Variants in RAB11FIP5 observed in about 807,000 individuals in gnomAD.
The protein encoded by RAB11FIP5 is RAB11 family interacting protein 5.
RAB11FIP5 carries 48 observed loss-of-function variants against 85.1 expected under a neutral mutation model. The ratio of observed to expected loss-of-function variants is 0.56; its 90% CI spans 0.45 to 0.72. The LOEUF (loss-of-function observed/expected upper bound fraction) is 0.72. Ranked by LOEUF, RAB11FIP5 falls within the 30% of genes least tolerant of loss-of-function variation. RAB11FIP5 has a pLI of 0.00. For missense variants in RAB11FIP5, 1,491 were observed against 1,687.0 expected (o/e 0.88, Z 2.04); for synonymous variants, 729 against 727.3 (o/e 1.00, Z -0.04).
intron 1 of RAB11FIP5, among the ~76,000 whole-genome samples, chr2:73,108,330 A>G (rs1684570198): frequency 6.6e-6 from 1 of 152,210 alleles, no homozygotes; most frequent in Non-Finnish European, 1.5e-5. Flanking sequence ...GCCCAGGATG[A>G]CGATCCTGTC....
At position 73,075,934 on chromosome 2, in the gene RAB11FIP5, A is replaced by G; in HGVS notation, c.3771+59T>C. On this transcript the variant is annotated intron_variant, in intron 5 of 5. Coordinates refer to ENST00000486777, the MANE Select transcript of RAB11FIP5 (RefSeq NM_001371272.1). The surrounding 1 kb of genome is among the most constrained non-coding windows in gnomAD (Gnocchi z 4.6). ...CCCTGCCCCACCCTCACCAGGACCAAGCCCTGAGACTCCACCACACATTCT... is the reference window on the plus strand; with the variant it reads ...CCCTGCCCCACCCTCACCAGGACCAGGCCCTGAGACTCCACCACACATTCT... 1.9e-6 allele frequency: 3 copies of G among 1,560,982 alleles called. No individual in the cohort carries two copies. The highest frequency in any genetic ancestry group is 1.7e-5 in the Admixed American group (1 of 57,356).
At position 73,081,039 on chromosome 2, in the gene RAB11FIP5, G is replaced by C. The variant is rs769016971; in HGVS notation, c.2193C>G (p.Asn731Lys). ...EPRVPLDLGP[N>K]HQSASAADPG... ...GGTCAGCCGCGCTCGCGCTCTGGTG[G>C]TTCGGTCCCAAGTCCAGAGGAACCC... The change falls in exon 4 of 6, where the codon AAC becomes AAG. Residue 731 changes from asparagine (N) to lysine (K), a missense_variant. By Grantham distance (94) the Asn-to-Lys change is moderately conservative. Coordinates refer to ENST00000486777, the MANE Select transcript of RAB11FIP5 (RefSeq NM_001371272.1). This position sits in a 1 kb window ranked among gnomAD's most constrained non-coding sequence, Gnocchi z 4.2. 2.4e-6 allele frequency: 3 copies of C among 1,232,524 alleles called. No individual in the cohort carries two copies. The highest frequency in any genetic ancestry group is 3.0e-6 in the Non-Finnish European group (3 of 988,340). The allele number at this position is 1,232,524 out of a possible 1,614,324, so 76.3% of individuals were successfully genotyped here. A position where few individuals can be genotyped will look rare whatever the true frequency, so the allele number is the denominator to read the frequency against.
intron 1 of RAB11FIP5, among the ~76,000 whole-genome samples, chr2:73,093,604 C>T (rs1574300081): frequency 6.6e-6 from 1 of 152,368 alleles, no homozygotes; most frequent in East Asian, 1.9e-4. Context: ...GGGTCCCCCA[C>T]TGACCAGGTC....
chr2:73,087,875 G>A (rs7599366), intron 3 of RAB11FIP5, among the ~76,000 whole-genome samples, 175 bp downstream of exon 3: 4,964 of 152,178 alleles, frequency 0.033, 117 homozygotes, highest in Middle Eastern at 0.051. Context: ...ACCTGTGTCC[G>A]TGAGCACAGA....
At chr2:73,097,140 C>A (rs1394389850) in intron 1 of RAB11FIP5, among the ~76,000 whole-genome samples, 3 of 152,162 alleles carry the variant, frequency 2.0e-5, no homozygotes, top group African/African-American at 7.2e-5. Flanking sequence ...CAGGTCCAAG[C>A]GATTCTCCTG....
At chr2:73,077,170 A>G (rs12104691) in intron 4 of RAB11FIP5, among the ~76,000 whole-genome samples, 48,606 of 152,016 alleles carry the variant, frequency 0.32, 9,247 homozygotes, top group East Asian at 0.55. Context: ...TCAGGTGCAG[A>G]CTGGCTTGCT....
chr2:73,089,315 C>A lies in RAB11FIP5; in HGVS notation c.432G>T (p.Gln144His). 1 of 1,613,128 alleles carries A rather than the reference C, an allele frequency of 6.2e-7. No homozygotes were observed. Among genetic ancestry groups the A allele is most frequent in the Admixed American group, 1.7e-5 (1 of 60,020 alleles). Residue 144 changes from glutamine to histidine, a missense_variant and splice_region_variant, in exon 2 of 6, where the codon CAG (glutamine) becomes CAT (histidine). Transcript: ENST00000486777. This position sits in a 1 kb window ranked among gnomAD's most constrained non-coding sequence, Gnocchi z 4.6. ...VFGAGRAQHT[Q>H]WYKLHSKPGK... ...CTGGCTTGGAGTGCAGCTTGTACCACCTGTGAGAAGAGGGGAGCAGGCAGA... is the reference window on the plus strand; with the variant it reads ...CTGGCTTGGAGTGCAGCTTGTACCAACTGTGAGAAGAGGGGAGCAGGCAGA...
At chr2:73,076,229 C>T (rs370487125) in intron 4 of RAB11FIP5, 47 bp from the exon 5 acceptor site, 81 of 1,508,190 alleles carry the variant, frequency 5.4e-5, no homozygotes, top group Middle Eastern at 3.4e-4. Flanking sequence ...AAGGGTGGCA[C>T]GGGTCAAAGG....
chr2:73,109,088 T>C (rs951470680), intron 1 of RAB11FIP5, among the ~76,000 whole-genome samples: 2 of 151,170 alleles, frequency 1.3e-5, no homozygotes, highest in Admixed American at 1.3e-4. Flanking sequence ...AACCAGAAAA[T>C]AAATCGCAGA....
At chr2:73,105,156 C>A (rs939577400) in intron 1 of RAB11FIP5, among the ~76,000 whole-genome samples, 2 of 152,162 alleles carry the variant, frequency 1.3e-5, no homozygotes, top group African/African-American at 4.8e-5. Context: ...GCCCCCAAGC[C>A]CTGCTTGAAA....
rs1683897685 is a variant in RAB11FIP5 at position 73,078,075 on chromosome 2, CA to C, written c.3581+1575del. Among the ~76,000 whole-genome samples the C allele has an allele frequency of 6.6e-6, 1 of 152,238 alleles. No homozygotes were observed. Among genetic ancestry groups the C allele is most frequent in the Non-Finnish European group, 1.5e-5 (1 of 68,054 alleles). On this transcript the variant is annotated intron_variant, in intron 4 of 5. Coordinates refer to ENST00000486777, the MANE Select transcript of RAB11FIP5 (RefSeq NM_001371272.1). The surrounding 1 kb of genome is among the most constrained non-coding windows in gnomAD (Gnocchi z 4.4). Reference sequence around the variant, plus strand: ...AGAATGCATCTCAGTCCTTTCCTGACACCTAGGAGCCTGTGCTAGGGATGGG... The same window carrying C: ...AGAATGCATCTCAGTCCTTTCCTGACCCTAGGAGCCTGTGCTAGGGATGGG...
At chr2:73,104,758 C>A (rs1350047181) in intron 1 of RAB11FIP5, among the ~76,000 whole-genome samples, 1 of 152,174 alleles carries the variant, frequency 6.6e-6, no homozygotes, top group East Asian at 1.9e-4. Context: ...TTATTCAAGG[C>A]CTCACCTCTC....
chr2:73,078,966 C>G lies in RAB11FIP5; in HGVS notation c.3581+685G>C, dbSNP rs1051630353. On this transcript the variant is annotated intron_variant, in intron 4 of 5. Transcript: ENST00000486777. The surrounding 1 kb of genome is among the most constrained non-coding windows in gnomAD (Gnocchi z 4.4). ...ACACAGGCATCCGCTGTCCACTCAG[C>G]GGTCCTAAGTGCATCAGAACCACCC... 6.6e-6 allele frequency among the ~76,000 whole-genome samples: 1 copy of G among 152,230 alleles called. No individual in the cohort carries two copies. Among genetic ancestry groups the G allele is most frequent in the Admixed American group, 6.5e-5 (1 of 15,290 alleles).
At position 73,075,630 on chromosome 2, in the gene RAB11FIP5, T is replaced by C; in HGVS notation, c.3866A>G (p.Gln1289Arg). The C allele has an allele frequency of 6.2e-7, 1 of 1,614,026 alleles. No individual in the cohort carries two copies. Among genetic ancestry groups the C allele is most frequent in the Non-Finnish European group, 8.5e-7 (1 of 1,179,960 alleles). Residue 1289 changes from glutamine to arginine, a missense_variant, in exon 6 of 6, where the codon CAG (glutamine) becomes CGG (arginine). Around this residue, in one of 3 missense-constraint regions of RAB11FIP5, gnomAD observed 232 missense variants for 259.1 expected, o/e 0.90. Coordinates refer to ENST00000486777, the MANE Select transcript of RAB11FIP5 (RefSeq NM_001371272.1). The surrounding 1 kb of genome is among the most constrained non-coding windows in gnomAD (Gnocchi z 4.6). ...LLLQRERELS[Q>R]RDEHVQELES... is the part of the protein sequence containing the mutation. ...CAGCTCCTGCACATGCTCGTCCCGC[T>C]GGCTCAGCTCCCGCTCCCGCTGCAG... is the stretch of plus-strand genomic sequence containing the variant.
Position 73,088,444 on chromosome 2 carries a change from G to T in RAB11FIP5, c.1174C>A (p.Arg392Ser). 1 of 1,613,876 alleles carries T rather than the reference G, an allele frequency of 6.2e-7. No individual in the cohort carries two copies. The highest frequency in any genetic ancestry group is 8.5e-7 in the Non-Finnish European group (1 of 1,180,036). ...ACTGCCTCTGAGCTGCTGTTGCTAC[G>T]ACTGCCTCTGGGCCAGGTGTCATCT... ...STDDTWPRGS[R>S]SNSSSEAVLG... The change falls in exon 3 of 6, where the codon CGT becomes AGT. Residue 392 changes from arginine (R) to serine (S), a missense_variant. This residue lies in a region of RAB11FIP5 where 1,211 missense variants were observed against 1,338.0 expected (regional missense o/e 0.91). Coordinates refer to ENST00000486777, the MANE Select transcript of RAB11FIP5 (RefSeq NM_001371272.1).
chr2:73,100,827 C>T (rs1398593017), intron 1 of RAB11FIP5, among the ~76,000 whole-genome samples: 19 of 148,240 alleles, frequency 1.3e-4, no homozygotes, highest in East Asian at 4.1e-4. Flanking sequence ...TGTTTTGAGA[C>T]GGAGTCTCGT....
In RAB11FIP5 at chr2:73,112,539, C is replaced by G. The variant is rs1684689012; in HGVS notation, c.239G>C (p.Gly80Ala). Residue 80 changes from glycine to alanine, a missense_variant, in exon 1 of 6, where the codon GGG becomes GCG. Transcript: ENST00000486777. The stretch of plus-strand genomic sequence containing the variant: ...CGCCCGCAGCAGGCCATCCAGGGCC[C>G]CCGGCGGCAGCTCGAAGGAGCACTC... ...REECSFELPP[G>A]ALDGLLRAQE... 1.3e-6 allele frequency: 2 copies of G among 1,537,058 alleles called. No homozygotes were observed. The highest frequency in any genetic ancestry group is 1.2e-5 in the South Asian group (1 of 82,226).
chr2:73,100,745 C>T (rs1684413991), intron 1 of RAB11FIP5, among the ~76,000 whole-genome samples: 1 of 151,924 alleles, frequency 6.6e-6, no homozygotes, highest in Admixed American at 6.6e-5. Context: ...AAAATAATGG[C>T]CAAGAATTGT....
intron 1 of RAB11FIP5, among the ~76,000 whole-genome samples, chr2:73,093,953 T>A (rs957821410): frequency 1.3e-5 from 2 of 152,114 alleles, no homozygotes; most frequent in African/African-American, 2.4e-5. Flanking sequence ...AAACCCCGTG[T>A]CTACTAAAAA....
Sources: allele counts gnomAD v4.1 joint callset (sites outside exome capture counted in the v4.1 genomes callset), GRCh38; gene constraint gnomAD v4.1.1; regional missense constraint gnomAD v4.1.1; non-coding constraint Gnocchi (gnomAD v3.1); transcripts MANE v1.5; gene names NCBI Gene and HGNC (gene_info 2026-07-23, HGNC 2026-07-21).